ASH1L: variants seen among roughly 807,000 people sequenced by gnomAD.
ASH1L encodes the protein ASH1 like histone lysine methyltransferase.
A neutral mutation model predicts 269.0 loss-of-function variants in ASH1L; 23 were observed. That is an observed-to-expected ratio of 0.09 (90% CI 0.06 to 0.12). The LOEUF (loss-of-function observed/expected upper bound fraction) is 0.12. Among genes scored for constraint, ASH1L ranks in the 10% least tolerant of loss-of-function variants. The pLI, the probability that ASH1L is intolerant of heterozygous loss-of-function variation, is 1.00. For synonymous variants in ASH1L, 1,187 were observed against 1,253.5 expected, an observed-to-expected ratio of 0.95 and a Z score of 1.12; for missense variants, 2,912 against 3,567.8, an observed-to-expected ratio of 0.82 and a Z score of 4.68.
At chr1:155,558,885 G>C (rs188258524) in intron 1 of ASH1L, among the ~76,000 whole-genome samples, 99 of 145,056 alleles carry the variant, frequency 6.8e-4, no homozygotes, top group Non-Finnish European at 1.1e-3. Flanking sequence ...TCACTCTGTC[G>C]TCCAGGCTGG....
At chr1:155,535,062 G>A (rs1054436359) in intron 1 of ASH1L, among the ~76,000 whole-genome samples, 1 of 152,060 alleles carries the variant, frequency 6.6e-6, no homozygotes, top group African/African-American at 2.4e-5. Flanking sequence ...GGTGGCACAC[G>A]CCTGTAATCC....
intron 4 of ASH1L, among the ~76,000 whole-genome samples, chr1:155,450,079 A>G (rs1663354418): frequency 6.6e-6 from 1 of 152,174 alleles, no homozygotes; most frequent in African/African-American, 2.4e-5. Flanking sequence ...TCCTTTCCAC[A>G]TTTAAAGACA....
chr1:155,460,564 C>T (rs574128654), intron 3 of ASH1L, among the ~76,000 whole-genome samples: 9 of 152,248 alleles, frequency 5.9e-5, no homozygotes, highest in East Asian at 5.8e-4. Flanking sequence ...GCCGAGATTG[C>T]GCCATTGCAC....
chr1:155,349,385 T>C lies in ASH1L; in HGVS notation c.7496A>G (p.Tyr2499Cys), dbSNP rs747704331. The C allele has an allele frequency of 1.2e-6, 2 of 1,614,016 alleles. No homozygotes were observed. The highest frequency in any genetic ancestry group is 1.7e-6 in the Non-Finnish European group (2 of 1,179,886). ...ATCAAAAGCTTCCACTGTCTTATAGTAACCAGTGAGGATCTGCTTCTCTAT... is the reference window on the plus strand; with the variant it reads ...ATCAAAAGCTTCCACTGTCTTATAGCAACCAGTGAGGATCTGCTTCTCTAT... Reference protein sequence around the residue: ...ITIEKQILTGYYKTVEAFDAD... With the variant: ...ITIEKQILTGCYKTVEAFDAD... Residue 2499 changes from tyrosine to cysteine, a missense_variant, in exon 19 of 28, where the codon TAC becomes TGC. Coordinates refer to ENST00000392403, the MANE Select transcript of ASH1L (RefSeq NM_018489.3).
chr1:155,538,641 CTTT>C (rs35340905), intron 1 of ASH1L, among the ~76,000 whole-genome samples: 3,214 of 107,914 alleles, frequency 0.03, 157 homozygotes, highest in African/African-American at 0.1. Context: ...TGTACCCAGC[CTTT>C]TTTTTTTTTT....
At chr1:155,490,613 G>A (rs928499721) in intron 2 of ASH1L, among the ~76,000 whole-genome samples, 7 of 46,612 alleles carry the variant, frequency 1.5e-4, no homozygotes, top group Non-Finnish European at 2.3e-4. Context: ...GCCAGACTAC[G>A]TCACACACAC....
intron 5 of ASH1L, among the ~76,000 whole-genome samples, chr1:155,432,264 C>T (rs1489996248): frequency 6.6e-6 from 1 of 152,118 alleles, no homozygotes; most frequent in Admixed American, 6.6e-5. Flanking sequence ...ACAGATGAAG[C>T]CTATTCTTCA....
At chr1:155,446,035 CT>C (rs77905341) in intron 4 of ASH1L, among the ~76,000 whole-genome samples, 226 of 119,994 alleles carry the variant, frequency 1.9e-3, no homozygotes, top group Middle Eastern at 8.9e-3. Context: ...CTACACTGTA[CT>C]TTTTTTTTTT....
intron 6 of ASH1L, among the ~76,000 whole-genome samples, chr1:155,402,779 C>T (rs1411843369): frequency 6.6e-6 from 1 of 151,970 alleles, no homozygotes; most frequent in Non-Finnish European, 1.5e-5. Context: ...GTCTCAAACT[C>T]CTGGCCTCAA....
At chr1:155,460,343 C>G (rs1219217838) in intron 3 of ASH1L, among the ~76,000 whole-genome samples, 1 of 152,208 alleles carries the variant, frequency 6.6e-6, no homozygotes, top group Non-Finnish European at 1.5e-5. Context: ...AGCGCAGTGG[C>G]TCACGCCTGT....
chr1:155,552,011 A>C (rs907290252), intron 1 of ASH1L, among the ~76,000 whole-genome samples: 2 of 152,094 alleles, frequency 1.3e-5, no homozygotes, highest in Non-Finnish European at 2.9e-5. Context: ...ACAACACGTA[A>C]TATACTGGCT....
chr1:155,515,026 C>CA (rs1271703992), intron 2 of ASH1L, among the ~76,000 whole-genome samples: 1 of 152,056 alleles, frequency 6.6e-6, no homozygotes, highest in Non-Finnish European at 1.5e-5. Flanking sequence ...AAACTTGCAC[C>CA]AAAAAAGGTC....
chr1:155,478,153 T>C lies in ASH1L; in HGVS notation c.4717A>G (p.Thr1573Ala), dbSNP rs1248225024. 3 of 1,613,984 alleles carry C rather than the reference T, an allele frequency of 1.9e-6. No individual in the cohort carries two copies. The highest frequency in any genetic ancestry group is 2.5e-6 in the Non-Finnish European group (3 of 1,180,024). The change falls in exon 3 of 28, where the codon ACA becomes GCA. Residue 1573 changes from threonine to alanine, a missense_variant. By Grantham distance (58) the Thr-to-Ala change is moderately conservative. Coordinates refer to ENST00000392403, the MANE Select transcript of ASH1L (RefSeq NM_018489.3). The surrounding 1 kb of genome is among the most constrained non-coding windows in gnomAD (Gnocchi z 4.6). ...ESSPLALGLQ[T>A]PLQIDCSESS... ...TCTGAACAGTCAATCTGTAAAGGTG[T>C]CTGCAATCCCAAGGCCAATGGACTA...
intron 6 of ASH1L, among the ~76,000 whole-genome samples, chr1:155,408,181 T>C (rs1358147405): frequency 6.6e-6 from 1 of 152,180 alleles, no homozygotes; most frequent in Non-Finnish European, 1.5e-5. Flanking sequence ...CCTCGGATGG[T>C]ACCTTGATTC....
intron 7 of ASH1L, among the ~76,000 whole-genome samples, chr1:155,392,126 T>C (rs936483221): frequency 1.2e-4 from 19 of 152,194 alleles, no homozygotes; most frequent in Admixed American, 6.5e-5. Context: ...CAACTAACTA[T>C]ACTGGATTCT....
At chr1:155,491,063 G>A (rs969999662) in intron 2 of ASH1L, among the ~76,000 whole-genome samples, 2 of 137,222 alleles carry the variant, frequency 1.5e-5, no homozygotes, top group Admixed American at 7.6e-5. Flanking sequence ...TATTCTAAAC[G>A]TCTTTTCACA....
intron 7 of ASH1L, among the ~76,000 whole-genome samples, chr1:155,380,496 G>A (rs1656840379): frequency 6.6e-6 from 1 of 151,976 alleles, no homozygotes; most frequent in South Asian, 2.1e-4. Flanking sequence ...AGAAATTCTT[G>A]TGTTTAAATA....
intron 1 of ASH1L, among the ~76,000 whole-genome samples, chr1:155,545,754 C>T (rs1670763924): frequency 6.6e-6 from 1 of 152,120 alleles, no homozygotes; most frequent in South Asian, 2.1e-4. Context: ...GGTGCAGTGG[C>T]TCATGCCTGT....
intron 10 of ASH1L, among the ~76,000 whole-genome samples, chr1:155,371,208 T>A (rs1655911445): frequency 6.6e-6 from 1 of 152,232 alleles, no homozygotes; most frequent in Non-Finnish European, 1.5e-5. Context: ...ATGATTAAGC[T>A]AACTGTCCAC....
Sources: gnomAD v4.1 joint callset for allele counts (sites outside exome capture counted in the v4.1 genomes callset) on GRCh38, gnomAD v4.1.1 for gene constraint, Gnocchi (gnomAD v3.1) non-coding constraint, MANE v1.5 for transcripts, NCBI Gene and HGNC (gene_info 2026-07-23, HGNC 2026-07-21) for gene names.